Variants in ADAM7 observed in about 807,000 individuals in gnomAD.
ADAM7 encodes ADAM metallopeptidase domain 7.
In ADAM7, 97 loss-of-function variants were observed where a neutral mutation model predicts 102.9. The observed-to-expected ratio is 0.94, with a 90% CI of 0.80 to 1.12. ADAM7 has a LOEUF of 1.12. Ranked by LOEUF, ADAM7 falls within the 50% of genes most tolerant of loss-of-function variation. The probability of loss-of-function intolerance (pLI) is 0.00; values close to 1 mark genes in which losing one functional copy is unlikely to be tolerated. For missense variants in ADAM7, 991 were observed against 908.7 expected, an observed-to-expected ratio of 1.09 and a Z score of -1.16; for synonymous variants, 334 against 304.4, an observed-to-expected ratio of 1.10 and a Z score of -1.01.
At chr8:24,474,859 C>T (rs1819717741) in intron 7 of ADAM7, among the ~76,000 whole-genome samples, 1 of 152,142 alleles carries the variant, frequency 6.6e-6, no homozygotes, top group Non-Finnish European at 1.5e-5. Context: ...CACGCCACTG[C>T]ACTCCAGCCT....
In ADAM7 at chr8:24,509,446, G is replaced by C. The variant is rs1821045660; in HGVS notation, c.*900G>C. The stretch of plus-strand genomic sequence containing the variant: ...CTTTTGTGTCCTCTATTTTCTTCTT[G>C]TGAACTGTTAAAGCTACATGCATTA... On this transcript the variant is annotated 3_prime_UTR_variant, in exon 22 of 22. Transcript: ENST00000175238. 1 of 985,092 alleles carries C rather than the reference G, an allele frequency of 1.0e-6. No individual in the cohort carries two copies. Among genetic ancestry groups the C allele is most frequent in the South Asian group, 4.7e-5 (1 of 21,288 alleles). 61.0% of individuals were successfully genotyped at this position (985,092 alleles called of 1,614,324 possible). A position where few individuals can be genotyped will look rare whatever the true frequency, so the allele number is the denominator to read the frequency against.
At chr8:24,454,346 C>T (rs532534579) in intron 3 of ADAM7, among the ~76,000 whole-genome samples, 2 of 152,250 alleles carry the variant, frequency 1.3e-5, no homozygotes, top group East Asian at 3.9e-4. Flanking sequence ...CCTAAGCAAG[C>T]CTGGGCAATG....
At position 24,447,281 on chromosome 8, in the gene ADAM7, C is replaced by G; in HGVS notation, c.233+19C>G. On this transcript the variant is annotated intron_variant, in intron 3 of 21. Coordinates refer to ENST00000175238, the MANE Select transcript of ADAM7 (RefSeq NM_003817.4). The stretch of plus-strand genomic sequence containing the variant: ...GATCCAGGTAAGTTCTATTGTGATT[C>G]CAGTACCTTATAGATTTTAGTAATT... 7.3e-7 allele frequency: 1 copy of G among 1,372,740 alleles called. No individual in the cohort carries two copies. The highest frequency in any genetic ancestry group is 1.6e-5 in the South Asian group (1 of 63,966). The allele number at this position is 1,372,740 out of a possible 1,614,324, so 85.0% of individuals were successfully genotyped here.
intron 9 of ADAM7, among the ~76,000 whole-genome samples, chr8:24,483,721 C>T (rs976159746): frequency 2.0e-5 from 3 of 152,078 alleles, no homozygotes; most frequent in Non-Finnish European, 2.9e-5. Context: ...GGGAATGGAG[C>T]GTGGTAAAAC....
At chr8:24,481,990 A>G (rs142885831) in intron 8 of ADAM7, 152 bp from the exon 9 acceptor site, 106 of 524,600 alleles carry the variant, frequency 2.0e-4, no homozygotes, top group African/African-American at 1.7e-3. Context: ...CCATTTTGAT[A>G]TATCTGTTTG....
intron 3 of ADAM7, among the ~76,000 whole-genome samples, chr8:24,459,769 T>C (rs928847998): frequency 1.2e-4 from 19 of 152,214 alleles, no homozygotes; most frequent in African/African-American, 3.9e-4. Flanking sequence ...CTGATTTTTC[T>C]TTAGCTTTGT....
intron 12 of ADAM7, 85 bp from the exon 13 acceptor site, chr8:24,490,714 T>A: frequency 7.5e-7 from 1 of 1,339,828 alleles, no homozygotes; most frequent in Non-Finnish European, 1.1e-6. Context: ...TCTATCAGAA[T>A]CCACAGAAGC....
At chr8:24,452,832 G>A (rs976887981) in intron 3 of ADAM7, among the ~76,000 whole-genome samples, 6 of 151,140 alleles carry the variant, frequency 4.0e-5, no homozygotes, top group Non-Finnish European at 7.4e-5. Flanking sequence ...AGGAGCTCTT[G>A]TAGGGCAGGC....
intron 3 of ADAM7, among the ~76,000 whole-genome samples, chr8:24,447,888 A>G (rs1818622804): frequency 6.6e-6 from 1 of 151,704 alleles, no homozygotes; most frequent in African/African-American, 2.4e-5. Flanking sequence ...AAAGAGTGAC[A>G]CTACTGGGGA....
intron 4 of ADAM7, among the ~76,000 whole-genome samples, chr8:24,465,023 G>T (rs1819379282): frequency 6.6e-6 from 1 of 152,214 alleles, no homozygotes; most frequent in Admixed American, 6.5e-5. Flanking sequence ...TTGACCTTGT[G>T]ATCCACCCGC....
In ADAM7 at chr8:24,492,243, C is replaced by T. The variant is rs116381062; in HGVS notation, c.1552+145C>T. 650 of 823,724 alleles carry T rather than the reference C, an allele frequency of 7.9e-4. 3 individuals are homozygous for T. The African/African-American group carries it at 0.01, about 13-fold the overall frequency. 51.0% of individuals were successfully genotyped at this position (823,724 alleles called of 1,614,324 possible). A position where few individuals can be genotyped will look rare whatever the true frequency, so the allele number is the denominator to read the frequency against. ...TTGCTTAGCATTTCTCTGGATATTA[C>T]CTGTCATATTAGTTGATCTTACGTC... On this transcript the variant is annotated intron_variant, in intron 14 of 21. Coordinates refer to ENST00000175238, the MANE Select transcript of ADAM7 (RefSeq NM_003817.4).
chr8:24,497,716 G>C (rs1211103097), intron 16 of ADAM7, among the ~76,000 whole-genome samples: 3 of 152,006 alleles, frequency 2.0e-5, no homozygotes, highest in African/African-American at 7.2e-5. Context: ...AATTCACTTA[G>C]TACCAGGAAA....
At chr8:24,450,031 C>T (rs534097282) in intron 3 of ADAM7, among the ~76,000 whole-genome samples, 1 of 152,218 alleles carries the variant, frequency 6.6e-6, no homozygotes, top group African/African-American at 2.4e-5. Context: ...GTATGAGTAC[C>T]ATGCTGTTTT....
At chr8:24,472,189 T>C (rs538678455) in intron 7 of ADAM7, among the ~76,000 whole-genome samples, 2 of 143,730 alleles carry the variant, frequency 1.4e-5, no homozygotes, top group African/African-American at 5.1e-5. Context: ...CATCAGAAAA[T>C]GTAAGGTCAA....
chr8:24,507,386 C>A, intron 20 of ADAM7, 94 bp from the exon 21 acceptor site: 2 of 981,516 alleles, frequency 2.0e-6, no homozygotes, highest in South Asian at 1.4e-5. Context: ...TGTATGTGCT[C>A]ATGTGTATGT....
chr8:24,486,666 C>T (rs1371370392), intron 10 of ADAM7, among the ~76,000 whole-genome samples: 1 of 152,108 alleles, frequency 6.6e-6, no homozygotes, highest in Non-Finnish European at 1.5e-5. Flanking sequence ...CTGTCTGGCT[C>T]ACAGTTGACA....
Position 24,441,049 on chromosome 8 carries a change from G to A in ADAM7, c.-60G>A, listed in dbSNP as rs1563368690. 1.3e-6 allele frequency: 2 copies of A among 1,497,658 alleles called. No homozygotes were observed. The highest frequency in any genetic ancestry group is 1.9e-6 in the Non-Finnish European group (2 of 1,074,902). The allele number at this position is 1,497,658 out of a possible 1,614,324, so 92.8% of individuals were successfully genotyped here. On this transcript the variant is annotated 5_prime_UTR_variant, in exon 1 of 22. Transcript: ENST00000175238. ...TCATCCCTGCAGTGGAAGTGAGGAG[G>A]AAGAAAGGTGAACTCCTTTTCTCAA...
intron 3 of ADAM7, among the ~76,000 whole-genome samples, chr8:24,454,847 A>G (rs1400265193): frequency 6.6e-6 from 1 of 152,176 alleles, no homozygotes; most frequent in African/African-American, 2.4e-5. Flanking sequence ...CTTATTTTAT[A>G]AACTCATGTT....
chr8:24,466,984 T>C lies in ADAM7; in HGVS notation c.575T>C (p.Ile192Thr). 1 of 1,611,358 alleles carries C rather than the reference T, an allele frequency of 6.2e-7. No individual in the cohort carries two copies. Among genetic ancestry groups the C allele is most frequent in the Non-Finnish European group, 8.5e-7 (1 of 1,177,698 alleles). The change falls in exon 6 of 22, where the codon ATA (isoleucine) becomes ACA (threonine). Residue 192 changes from isoleucine (I) to threonine (T), a missense_variant. Transcript: ENST00000175238. ...GDNESEEDSK[I>T]KGIHDEKYVE... ...AATGAATCTGAAGAAGACTCCAAAA[T>C]AAAAGTGAGTACTTTATTATTATCT...
Sources: gnomAD v4.1 joint callset for allele counts (sites outside exome capture counted in the v4.1 genomes callset) on GRCh38, gnomAD v4.1.1 for gene constraint, MANE v1.5 for transcripts, NCBI Gene and HGNC (gene_info 2026-07-23, HGNC 2026-07-21) for gene names.